The following CNBD1 variants were observed in gnomAD, a reference collection of about 807,000 sequenced individuals.
The protein encoded by CNBD1 is cyclic nucleotide-binding domain-containing protein 1.
Under a neutral mutation model 54.4 loss-of-function variants are expected in CNBD1, and 71 were observed. That is an observed-to-expected ratio of 1.30 (90% CI 1.08 to 1.59). The LOEUF (loss-of-function observed/expected upper bound fraction) is 1.59, where lower values mean the gene tolerates loss of function less well. CNBD1 is among the 40% of genes most tolerant of loss of function. The pLI, the probability that CNBD1 is intolerant of heterozygous loss-of-function variation, is 0.00. For missense variants in CNBD1, 659 were observed against 518.0 expected (o/e 1.27, Z -2.64); for synonymous variants, 182 against 170.7 (o/e 1.07, Z -0.51).
chr8:87,411,636 G>C (rs1807748645), intron 2 of CNBD1, among the ~76,000 whole-genome samples: 1 of 147,308 alleles, frequency 6.8e-6, no homozygotes, highest in Non-Finnish European at 1.5e-5. Flanking sequence ...TCTGGCATAA[G>C]ACATGTGTTG....
intron 8 of CNBD1, among the ~76,000 whole-genome samples, chr8:87,315,861 G>A (rs1423332953): frequency 6.6e-6 from 1 of 152,002 alleles, no homozygotes; most frequent in Non-Finnish European, 1.5e-5. Context: ...GATTTGGAAT[G>A]TTCCAATCAC....
chr8:86,945,570 A>T lies in CNBD1; in HGVS notation c.431+5816A>T, dbSNP rs569704090. On this transcript the variant is annotated intron_variant, in intron 4 of 10. Transcript: ENST00000518476. Reference sequence around the variant, plus strand: ...TCAAAGAAAAACACTTTGTGGGGCTATTAATTTGTGAAAAATACAGTATTT... The same window carrying T: ...TCAAAGAAAAACACTTTGTGGGGCTTTTAATTTGTGAAAAATACAGTATTT... Among the ~76,000 whole-genome samples the T allele has an allele frequency of 3.3e-5, 5 of 152,314 alleles. No homozygotes were observed. The South Asian group carries it at 1.0e-3, about 32-fold the overall frequency.
intron 4 of CNBD1, among the ~76,000 whole-genome samples, chr8:87,120,979 G>T (rs1432159525): frequency 6.6e-6 from 1 of 151,896 alleles, no homozygotes; most frequent in East Asian, 1.9e-4. Context: ...TAAGATTTGT[G>T]TTAATTGTTT....
At chr8:87,379,785 T>C (rs891466770) in intron 10 of CNBD1, among the ~76,000 whole-genome samples, 1 of 151,890 alleles carries the variant, frequency 6.6e-6, no homozygotes, top group African/African-American at 2.4e-5. Context: ...AAAAATGAAA[T>C]AATTTTCTAA....
chr8:86,905,253 C>A, intron 3 of CNBD1, 59 bp downstream of exon 3: 2 of 978,680 alleles, frequency 2.0e-6, no homozygotes, highest in Non-Finnish European at 3.2e-6. Context: ...TGCTTGTGCT[C>A]ACACAAGTTG....
intron 4 of CNBD1, among the ~76,000 whole-genome samples, chr8:86,999,726 T>A (rs1808954381): frequency 6.6e-6 from 1 of 152,188 alleles, no homozygotes; most frequent in South Asian, 2.1e-4. Context: ...CTAAAGTTTA[T>A]CTTTTGAATT....
intron 2 of CNBD1, among the ~76,000 whole-genome samples, chr8:87,402,230 A>G (rs866448831): frequency 2.0e-5 from 3 of 152,004 alleles, no homozygotes; most frequent in East Asian, 2.0e-4. Flanking sequence ...CCATGATTCA[A>G]TTACCTCCCA....
chr8:87,144,959 G>GTACATA (rs1812452840), intron 4 of CNBD1, among the ~76,000 whole-genome samples: 1 of 152,036 alleles, frequency 6.6e-6, no homozygotes, highest in African/African-American at 2.4e-5. Flanking sequence ...TAAAAGAGTG[G>GTACATA]TTAAGAAATA....
intron 5 of CNBD1, among the ~76,000 whole-genome samples, chr8:87,226,960 C>G (rs576503651): frequency 5.3e-5 from 8 of 151,804 alleles, no homozygotes; most frequent in Admixed American, 1.3e-4. Context: ...ATAGTTAGCT[C>G]TTCTTGTTGA....
At chr8:87,293,417 G>A (rs1039744366) in intron 8 of CNBD1, among the ~76,000 whole-genome samples, 9 of 152,034 alleles carry the variant, frequency 5.9e-5, no homozygotes, top group South Asian at 2.1e-4. Context: ...AGTGGCAGGC[G>A]CTTGTAATCC....
intron 2 of CNBD1, among the ~76,000 whole-genome samples, chr8:87,406,562 T>C (rs1807657298): frequency 6.6e-6 from 1 of 150,600 alleles, no homozygotes; most frequent in African/African-American, 2.4e-5. Context: ...TTACTGCAAC[T>C]TCTGCCTCCT....
chr8:87,167,664 C>T (rs1299833928), intron 4 of CNBD1, among the ~76,000 whole-genome samples: 2 of 151,774 alleles, frequency 1.3e-5, no homozygotes, highest in Non-Finnish European at 2.9e-5. Context: ...GGTATGTGAA[C>T]CAACTGGATA....
chr8:87,203,428 G>A lies in CNBD1; in HGVS notation c.432-2565G>A, dbSNP rs115109575. Among the ~76,000 whole-genome samples the A allele has an allele frequency of 9.1e-3, 1,385 of 152,080 alleles. 23 individuals are homozygous for A. The highest frequency in any genetic ancestry group is 0.03 in the African/African-American group (1,263 of 41,480). ...TTTAAATGAAATATTTACAAAATTT[G>A]GCCATTTGATATGCTGCACTTTATC... On this transcript the variant is annotated intron_variant, in intron 4 of 10. Coordinates refer to ENST00000518476, the MANE Select transcript of CNBD1 (RefSeq NM_173538.3).
intron 10 of CNBD1, among the ~76,000 whole-genome samples, chr8:87,354,727 G>A (rs1295732546): frequency 6.6e-6 from 1 of 152,134 alleles, no homozygotes. Flanking sequence ...CCCTACAAAG[G>A]ACATGAACTC....
At chr8:87,281,066 T>C (rs1314504049) in intron 6 of CNBD1, among the ~76,000 whole-genome samples, 5 of 151,484 alleles carry the variant, frequency 3.3e-5, no homozygotes, top group Non-Finnish European at 7.4e-5. Flanking sequence ...ATTCAGAAAA[T>C]ACAGAATATA....
At chr8:87,370,314 T>C (rs370286260) in intron 10 of CNBD1, among the ~76,000 whole-genome samples, 96 of 152,228 alleles carry the variant, frequency 6.3e-4, no homozygotes, top group African/African-American at 1.9e-3. Context: ...CTGACTTCCA[T>C]AATGGTTGAA....
chr8:87,365,348 G>GT (rs1810622103), intron 10 of CNBD1, among the ~76,000 whole-genome samples: 1 of 151,618 alleles, frequency 6.6e-6, no homozygotes, highest in Admixed American at 6.6e-5. Context: ...AATGGTTTTT[G>GT]TTTTTTGCTT....
intron 4 of CNBD1, among the ~76,000 whole-genome samples, chr8:86,995,851 T>TA (rs1380143110): frequency 6.6e-6 from 1 of 152,202 alleles, no homozygotes; most frequent in Non-Finnish European, 1.5e-5. Flanking sequence ...TTACCATGCT[T>TA]ACATTTAAAT....
chr8:87,018,745 C>T (rs1474203416), intron 4 of CNBD1, among the ~76,000 whole-genome samples: 3 of 152,222 alleles, frequency 2.0e-5, no homozygotes, highest in East Asian at 1.9e-4. Context: ...TGCTCTGTTG[C>T]TAAAACTATA....
Sources: allele counts gnomAD v4.1 joint callset (sites outside exome capture counted in the v4.1 genomes callset), GRCh38; gene constraint gnomAD v4.1.1; transcripts MANE v1.5; gene names NCBI Gene and HGNC (gene_info 2026-07-23, HGNC 2026-07-21).